LRP1B: variants seen among roughly 807,000 people sequenced by gnomAD.
The protein encoded by LRP1B is low-density lipoprotein receptor-related protein 1B.
LRP1B carries 217 observed loss-of-function variants against 556.6 expected under a neutral mutation model. The ratio of observed to expected loss-of-function variants is 0.39; its 90% CI spans 0.35 to 0.44. The LOEUF is 0.44. LRP1B is among the 20% of genes least tolerant of loss of function. The pLI is 1.00. For synonymous variants in LRP1B, 2,047 were observed against 1,865.8 expected, an observed-to-expected ratio of 1.10 and a Z score of -2.50; for missense variants, 5,053 against 5,620.8, an observed-to-expected ratio of 0.90 and a Z score of 3.23.
chr2:141,253,546 T>A (rs1684346361), intron 4 of LRP1B, among the ~76,000 whole-genome samples: 2 of 152,112 alleles, frequency 1.3e-5, no homozygotes, highest in African/African-American at 4.8e-5. Flanking sequence ...TCAGTCCCAA[T>A]TCTATTACTA....
intron 82 of LRP1B, among the ~76,000 whole-genome samples, chr2:140,316,657 G>A (rs1445610480): frequency 6.6e-6 from 1 of 152,060 alleles, no homozygotes; most frequent in African/African-American, 2.4e-5. Context: ...TTGAGCCTCA[G>A]TTACTTCACT....
At chr2:140,995,712 G>A (rs1474313968) in intron 15 of LRP1B, among the ~76,000 whole-genome samples, 1 of 151,942 alleles carries the variant, frequency 6.6e-6, no homozygotes, top group African/African-American at 2.4e-5. Flanking sequence ...AAAAACTCAG[G>A]CCTACTTAAG....
rs200852784 is a variant in LRP1B, at chr2:140,525,033, AT to A, written c.8026+810del. 9.3e-3 allele frequency among the ~76,000 whole-genome samples: 1,421 copies of A among 152,056 alleles called. 19 individuals carry two copies. Among genetic ancestry groups the A allele is most frequent in the African/African-American group, 0.031 (1,269 of 41,554 alleles). ...TCATCTACTAAAAAATCAGACTTTC[AT>A]AGTAGATTGTGTGTGTATAAACTTT... On this transcript the variant is annotated intron_variant, in intron 49 of 90. Coordinates refer to ENST00000389484, the MANE Select transcript of LRP1B (RefSeq NM_018557.3).
At position 140,551,831 on chromosome 2, in the gene LRP1B, G is replaced by A. The variant is rs4541198; in HGVS notation, c.7195-9860C>T. On this transcript the variant is annotated intron_variant, in intron 43 of 90. Transcript: ENST00000389484. Reference sequence around the variant, plus strand: ...AATCACATTTTACCAGAATTCATGAGTTTTCATCCTTTTTAGTTATCAGTA... The same window carrying A: ...AATCACATTTTACCAGAATTCATGAATTTTCATCCTTTTTAGTTATCAGTA... Among the ~76,000 whole-genome samples the A allele has an allele frequency of 4.7e-3, 714 of 152,224 alleles. 7 individuals carry two copies. Among genetic ancestry groups the A allele is most frequent in the African/African-American group, 0.017 (686 of 41,558 alleles).
intron 41 of LRP1B, among the ~76,000 whole-genome samples, chr2:140,687,724 T>C (rs886234152): frequency 6.6e-6 from 1 of 152,162 alleles, no homozygotes; most frequent in African/African-American, 2.4e-5. Context: ...TTCTTGCATA[T>C]AAGTCTAAAA....
In LRP1B at chr2:140,234,816, G is replaced by A. The variant is rs181564699; in HGVS notation, c.13629C>T (p.Asn4543=). 2.1e-5 allele frequency: 16 copies of A among 775,666 alleles called. No individual in the cohort carries two copies. In the East Asian group the frequency reaches 3.7e-4, roughly 18 times the overall value. 48.0% of individuals were successfully genotyped at this position (775,666 alleles called of 1,614,324 possible). Residue 4543 remains asparagine (N), a synonymous_variant, in exon 90 of 91, where the codon AAC becomes AAT. Transcript: ENST00000389484. The part of the protein sequence containing the change: ...LPHTAPPIYL[N]SDLKGPLTAG... ...CAGTTAGTGGTCCTTTCAAATCAGA[G>A]TTTAGGTAGATGGGCGGCGCTGTGT...
At chr2:141,005,582 A>G in intron 14 of LRP1B, 125 bp from the exon 15 acceptor site, 1 of 724,948 alleles carries the variant, frequency 1.4e-6, no homozygotes, top group Non-Finnish European at 2.0e-6. Context: ...TAATATAGTG[A>G]AGATTTCTGT....
intron 43 of LRP1B, among the ~76,000 whole-genome samples, chr2:140,578,616 G>A (rs1681627695): frequency 6.6e-6 from 1 of 151,996 alleles, no homozygotes; most frequent in African/African-American, 2.4e-5. Flanking sequence ...TCATCCTCTT[G>A]CTGAAGACTT....
intron 51 of LRP1B, among the ~76,000 whole-genome samples, chr2:140,512,887 C>A (rs1398694832): frequency 6.6e-6 from 1 of 152,072 alleles, no homozygotes; most frequent in Non-Finnish European, 1.5e-5. Flanking sequence ...AGTTCATTGG[C>A]TGATGATTGG....
chr2:141,692,452 AC>A (rs1691572629), intron 2 of LRP1B, among the ~76,000 whole-genome samples: 1 of 151,980 alleles, frequency 6.6e-6, no homozygotes, highest in Non-Finnish European at 1.5e-5. Flanking sequence ...GTTCCACTTA[AC>A]CAATTCCTAC....
intron 7 of LRP1B, among the ~76,000 whole-genome samples, chr2:141,176,458 G>GTC (rs1400783784): frequency 3.3e-5 from 5 of 151,940 alleles, no homozygotes; most frequent in East Asian, 2.0e-4. Context: ...TCTCCCCTTG[G>GTC]TCTCTCTCTC....
At position 141,784,651 on chromosome 2, in the gene LRP1B, C is replaced by T. The variant is rs1695369248; in HGVS notation, c.205+25628G>A. ...TTTCCTTACCCCAGGGAACTGAATCCCTGATTGTTCAATTTGTCACCCCTT... is the reference window on the plus strand; with the variant it reads ...TTTCCTTACCCCAGGGAACTGAATCTCTGATTGTTCAATTTGTCACCCCTT... On this transcript the variant is annotated intron_variant, in intron 2 of 90. Transcript: ENST00000389484. 2.0e-5 allele frequency among the ~76,000 whole-genome samples: 3 copies of T among 151,722 alleles called. No homozygotes were observed. The Admixed American group carries it at 2.0e-4, about 10-fold the overall frequency.
intron 1 of LRP1B, among the ~76,000 whole-genome samples, chr2:142,108,952 G>A (rs1236016623): frequency 6.6e-6 from 1 of 152,106 alleles, no homozygotes; most frequent in Non-Finnish European, 1.5e-5. Context: ...GGTCACTAAA[G>A]TCAGATCACT....
intron 1 of LRP1B, among the ~76,000 whole-genome samples, chr2:142,107,823 T>C (rs1333297238): frequency 2.0e-5 from 3 of 146,818 alleles, no homozygotes; most frequent in East Asian, 4.0e-4. Context: ...TTTTTGTATT[T>C]TTAGTAGAGA....
chr2:141,531,625 T>C (rs912250736), intron 2 of LRP1B, among the ~76,000 whole-genome samples: 1 of 152,104 alleles, frequency 6.6e-6, no homozygotes, highest in Non-Finnish European at 1.5e-5. Context: ...CCAAAGTCAA[T>C]ACTGAAAGAC....
chr2:140,702,040 T>C (rs1686663055), intron 39 of LRP1B, 101 bp downstream of exon 39: 2 of 1,435,754 alleles, frequency 1.4e-6, no homozygotes, highest in South Asian at 1.3e-5. Context: ...TGTGAGTTCC[T>C]TTTTGTGACC....
chr2:140,431,093 C>G (rs1007410147), intron 66 of LRP1B, among the ~76,000 whole-genome samples: 2 of 152,104 alleles, frequency 1.3e-5, no homozygotes, highest in Non-Finnish European at 2.9e-5. Flanking sequence ...CTATACAGTC[C>G]GATAGCAGAC....
chr2:141,866,495 G>T (rs13005891), intron 1 of LRP1B, among the ~76,000 whole-genome samples: 48,025 of 152,026 alleles, frequency 0.32, 8,537 homozygotes, highest in Middle Eastern at 0.45. Flanking sequence ...TGAAAACTCA[G>T]AGAGAGGATA....
chr2:141,849,369 T>C (rs1461463157), intron 1 of LRP1B, among the ~76,000 whole-genome samples: 3 of 151,682 alleles, frequency 2.0e-5, no homozygotes, highest in Non-Finnish European at 4.4e-5. Context: ...CATAATCGAA[T>C]TATCACTAGT....
Sources: gnomAD v4.1 joint callset for allele counts (sites outside exome capture counted in the v4.1 genomes callset) on GRCh38, gnomAD v4.1.1 for gene constraint, MANE v1.5 for transcripts, NCBI Gene and HGNC (gene_info 2026-07-23, HGNC 2026-07-21) for gene names.